DGKB: variants seen among roughly 807,000 people sequenced by gnomAD.
DGKB encodes 90 kDa diacylglycerol kinase.
DGKB carries 67 observed loss-of-function variants against 114.3 expected under a neutral mutation model. The observed-to-expected ratio is 0.59, with a 90% CI of 0.48 to 0.72. The LOEUF is 0.72. Among genes scored for constraint, DGKB ranks in the 30% least tolerant of loss-of-function variants. The pLI, the probability that DGKB is intolerant of heterozygous loss-of-function variation, is 0.00. For synonymous variants in DGKB, 398 were observed against 323.1 expected, an observed-to-expected ratio of 1.23 and a Z score of -2.49; for missense variants, 907 against 975.2, an observed-to-expected ratio of 0.93 and a Z score of 0.93.
At chr7:14,886,899 A>G (rs113659139) in intron 1 of DGKB, among the ~76,000 whole-genome samples, 27 of 151,720 alleles carry the variant, frequency 1.8e-4, no homozygotes, top group African/African-American at 5.8e-4. Flanking sequence ...TATCATACCC[A>G]CTCCAGCCAA....
chr7:14,372,407 A>AG (rs1230803288), intron 21 of DGKB, among the ~76,000 whole-genome samples: 2 of 152,078 alleles, frequency 1.3e-5, no homozygotes. Flanking sequence ...GGGAGTGCGT[A>AG]GTGGGGGGAA....
intron 18 of DGKB, among the ~76,000 whole-genome samples, chr7:14,581,922 A>G (rs1430691210): frequency 6.6e-6 from 1 of 152,212 alleles, no homozygotes; most frequent in African/African-American, 2.4e-5. Context: ...TATGATTTAC[A>G]TTGTTTAATG....
chr7:14,809,125 A>T (rs1324998789), intron 2 of DGKB, among the ~76,000 whole-genome samples: 1 of 152,184 alleles, frequency 6.6e-6, no homozygotes, highest in Non-Finnish European at 1.5e-5. Context: ...ATTATAAAAC[A>T]AGTTTAAAAA....
chr7:14,845,190 T>C (rs533604112), intron 1 of DGKB, among the ~76,000 whole-genome samples: 65 of 149,264 alleles, frequency 4.4e-4, no homozygotes, highest in Non-Finnish European at 8.2e-4. Flanking sequence ...TTATGAGAAA[T>C]TCAAATTTAA....
chr7:14,487,416 A>G (rs1783977733), intron 20 of DGKB, among the ~76,000 whole-genome samples: 2 of 152,184 alleles, frequency 1.3e-5, no homozygotes, highest in African/African-American at 4.8e-5. Context: ...ACCAATAAGC[A>G]TAAAAGGAGC....
chr7:14,780,950 CTTG>C (rs1286323566), intron 2 of DGKB, among the ~76,000 whole-genome samples: 4 of 152,000 alleles, frequency 2.6e-5, no homozygotes, highest in African/African-American at 9.7e-5. Context: ...GTTTCTTTTC[CTTG>C]TTGTCATGTG....
chr7:14,407,509 T>C (rs975025357), intron 21 of DGKB, among the ~76,000 whole-genome samples: 12 of 152,030 alleles, frequency 7.9e-5, no homozygotes, highest in African/African-American at 2.2e-4. Context: ...GAGAAGAAGC[T>C]ACCTGGGTAT....
chr7:14,385,592 C>A (rs1284860279), intron 21 of DGKB, among the ~76,000 whole-genome samples: 1 of 152,158 alleles, frequency 6.6e-6, no homozygotes, highest in African/African-American at 2.4e-5. Flanking sequence ...ATAGCAAAGG[C>A]TTTTAACCCT....
intron 21 of DGKB, among the ~76,000 whole-genome samples, chr7:14,412,357 A>G (rs1241998510): frequency 6.6e-6 from 1 of 152,198 alleles, no homozygotes; most frequent in East Asian, 1.9e-4. Context: ...CAAAGGGACA[A>G]TGTGATGTGG....
At chr7:14,804,300 G>C (rs926322808) in intron 2 of DGKB, among the ~76,000 whole-genome samples, 4 of 151,590 alleles carry the variant, frequency 2.6e-5, no homozygotes, top group Non-Finnish European at 4.4e-5. Context: ...AAAAACATAG[G>C]TAACATGTTT....
In DGKB at chr7:14,698,125, G is replaced by A. The variant is rs751798895; in HGVS notation, c.561C>T (p.Tyr187=). Reference sequence around the variant, plus strand: ...TAAGTTCAGTGACATCCCACTCAAGGTATTCTGCAACATGCATCATCTGAC... The same window carrying A: ...TAAGTTCAGTGACATCCCACTCAAGATATTCTGCAACATGCATCATCTGAC... ...IISQMMHVAE[Y]LEWDVTELNP... The change falls in exon 8 of 26, where the codon TAC becomes TAT. Residue 187 remains tyrosine, a synonymous_variant. Coordinates refer to ENST00000402815, the MANE Select transcript of DGKB (RefSeq NM_001350709.2). The A allele has an allele frequency of 1.3e-6, 2 of 1,543,510 alleles. No homozygotes were observed. Among genetic ancestry groups the A allele is most frequent in the Non-Finnish European group, 1.7e-6 (2 of 1,148,166 alleles).
Position 14,583,099 on chromosome 7 carries a change from A to G in DGKB, c.1472T>C (p.Leu491Ser). ...FFRDVPDFRV[L>S]ACGGDGTVGW... ...CACGGTTCCATCTCCACCACAGGCT[A>G]ACACTCTGAAGTCAGGAACATCACG... Residue 491 changes from leucine (L) to serine (S), a missense_variant, in exon 18 of 26, where the codon TTA (leucine) becomes TCA (serine). Leu to Ser is a moderately radical substitution (Grantham distance 145). Transcript: ENST00000402815. The G allele has an allele frequency of 6.2e-7, 1 of 1,613,422 alleles. No homozygotes were observed. Among genetic ancestry groups the G allele is most frequent in the Non-Finnish European group, 8.5e-7 (1 of 1,179,606 alleles).
intron 20 of DGKB, among the ~76,000 whole-genome samples, chr7:14,561,000 A>G (rs1291128200): frequency 6.6e-6 from 1 of 152,152 alleles, no homozygotes; most frequent in Non-Finnish European, 1.5e-5. Context: ...TCTTCTTTGG[A>G]GAAAAGTTTG....
chr7:14,742,645 C>T (rs1050066851), intron 4 of DGKB, among the ~76,000 whole-genome samples: 1 of 152,180 alleles, frequency 6.6e-6, no homozygotes, highest in Admixed American at 6.5e-5. Flanking sequence ...CTGAATTAAC[C>T]AAGCCCTTGA....
At chr7:14,170,172 A>G (rs911561399) in intron 25 of DGKB, among the ~76,000 whole-genome samples, 2 of 147,806 alleles carry the variant, frequency 1.4e-5, no homozygotes, top group Admixed American at 6.7e-5. Context: ...AAAGAAAGAA[A>G]GAAAGAAAGA....
At chr7:14,502,438 G>T (rs1198251295) in intron 20 of DGKB, among the ~76,000 whole-genome samples, 2 of 151,982 alleles carry the variant, frequency 1.3e-5, no homozygotes, top group African/African-American at 2.4e-5. Context: ...CTACAAAATT[G>T]TGAGTAAAAT....
chr7:14,697,353 T>C (rs1824124604), intron 8 of DGKB, among the ~76,000 whole-genome samples: 1 of 152,116 alleles, frequency 6.6e-6, no homozygotes. Flanking sequence ...TTGAAAGCAA[T>C]ATATAACATA....
Position 14,497,220 on chromosome 7 carries a change from A to C in DGKB, c.1771-18995T>G, listed in dbSNP as rs971726219. The stretch of plus-strand genomic sequence containing the variant: ...AAGAAAGGGGGAAAAGGAATGAAAA[A>C]ATGCCTATTGCATATGATGTAAACT... On this transcript the variant is annotated intron_variant, in intron 20 of 25. Coordinates refer to ENST00000402815, the MANE Select transcript of DGKB (RefSeq NM_001350709.2). Among the ~76,000 whole-genome samples, 4 of 151,702 alleles carry C rather than the reference A, an allele frequency of 2.6e-5. No homozygotes were observed. In the Admixed American group the frequency reaches 2.6e-4, roughly 10 times the overall value.
chr7:14,832,424 C>T (rs1213777671), intron 2 of DGKB, among the ~76,000 whole-genome samples: 2 of 151,922 alleles, frequency 1.3e-5, no homozygotes, highest in Non-Finnish European at 1.5e-5. Context: ...AGTTATAATC[C>T]TTCCACTTTG....
Sources: allele counts gnomAD v4.1 joint callset (sites outside exome capture counted in the v4.1 genomes callset), GRCh38; gene constraint gnomAD v4.1.1; transcripts MANE v1.5; gene names NCBI Gene and HGNC (gene_info 2026-07-23, HGNC 2026-07-21).